GNG4: variants seen among roughly 807,000 people sequenced by gnomAD.
The protein encoded by GNG4 is guanine nucleotide-binding protein G(I)/G(S)/G(O) subunit gamma-4.
A neutral mutation model predicts 5.8 loss-of-function variants in GNG4; 4 were observed. The observed-to-expected ratio is 0.69, with a 90% CI of 0.34 to 1.57. The LOEUF (loss-of-function observed/expected upper bound fraction) is 1.57. GNG4 is among the 40% of genes most tolerant of loss of function. The pLI is 0.06. For missense variants in GNG4, 96 were observed against 95.1 expected, an observed-to-expected ratio of 1.01 and a Z score of -0.04; for synonymous variants, 29 against 32.9, an observed-to-expected ratio of 0.88 and a Z score of 0.41.
chr1:235,590,674 G>T (rs1687937841), intron 2 of GNG4, among the ~76,000 whole-genome samples: 3 of 152,138 alleles, frequency 2.0e-5, no homozygotes, highest in Admixed American at 2.0e-4. Context: ...GATTTCATGT[G>T]TGCGTGTTTG....
chr1:235,607,849 A>T (rs886430182), intron 1 of GNG4, among the ~76,000 whole-genome samples: 1 of 151,652 alleles, frequency 6.6e-6, no homozygotes, highest in Non-Finnish European at 1.5e-5. Flanking sequence ...CCCTCACTTT[A>T]GTCCATTCTG....
In GNG4 at chr1:235,590,455, A is replaced by T. The variant is rs192569895; in HGVS notation, c.-11+4945T>A. ...GGGTGACAGAGTGAGACTGTCTGGA[A>T]AAAAAAAGAAGGTGGAGAGGTAACC... is the stretch of plus-strand genomic sequence containing the variant. On this transcript the variant is annotated intron_variant, in intron 2 of 3. Transcript: ENST00000391854. Among the ~76,000 whole-genome samples the T allele has an allele frequency of 7.2e-3, 1,098 of 151,884 alleles. 9 individuals carry two copies. The highest frequency in any genetic ancestry group is 0.02 in the South Asian group (96 of 4,792).
rs1179533212 is a variant in GNG4, at chr1:235,552,157, T to C, written c.180A>G (p.Ala60=). ...TCTTCTCGCGAAAGGGGTTTTCTGA[T>C]GCAGGCACTGGAATGATGAGAGGAT... The part of the protein sequence containing the change: ...REDPLIIPVP[A]SENPFREKKF... The change falls in exon 4 of 4, where the codon GCA becomes GCG. Residue 60 remains alanine (A), a synonymous_variant. Coordinates refer to ENST00000391854, the MANE Select transcript of GNG4 (RefSeq NM_001098722.2). The C allele has an allele frequency of 9.3e-6, 15 of 1,613,998 alleles. No homozygotes were observed. In the East Asian group the frequency reaches 1.3e-4, roughly 14 times the overall value.
chr1:235,574,806 T>A (rs1032526080), intron 3 of GNG4, among the ~76,000 whole-genome samples: 1 of 152,166 alleles, frequency 6.6e-6, no homozygotes, highest in Non-Finnish European at 1.5e-5. Flanking sequence ...ACTGCCAGTA[T>A]CTGTCACGAC....
Position 235,605,956 on chromosome 1 carries a change from G to GT in GNG4, c.-122-10446_-122-10445insA, listed in dbSNP as rs1456169523. Among the ~76,000 whole-genome samples the GT allele has an allele frequency of 2.9e-3, 234 of 80,796 alleles. 2 individuals are homozygous for GT. Among genetic ancestry groups the GT allele is most frequent in the African/African-American group, 9.6e-3 (213 of 22,212 alleles). The allele number at this position is 80,796 out of a possible 152,430, so 53.0% of individuals were successfully genotyped here. ...ATTTTATTTTTTTGATTGAGAGTGTGGGGGGGTGGGTCTCACTGTGTTGCC... is the reference window on the plus strand; with the variant it reads ...ATTTTATTTTTTTGATTGAGAGTGTGTGGGGGGTGGGTCTCACTGTGTTGCC... On this transcript the variant is annotated intron_variant, in intron 1 of 3. Coordinates refer to ENST00000391854, the MANE Select transcript of GNG4 (RefSeq NM_001098722.2).
chr1:235,587,370 AGTGT>A (rs71677446), intron 2 of GNG4, among the ~76,000 whole-genome samples: 8,734 of 31,912 alleles, frequency 0.27, 1,359 homozygotes, highest in East Asian at 0.69. Context: ...GGTGTGTGTG[AGTGT>A]GTGTGTGAGC....
chr1:235,587,877 TG>T (rs921742580), intron 2 of GNG4, among the ~76,000 whole-genome samples: 25 of 147,706 alleles, frequency 1.7e-4, no homozygotes, highest in African/African-American at 5.5e-4. Flanking sequence ...TGAGAGGGTG[TG>T]GGGGGTGTGT....
In GNG4 at chr1:235,642,619, G is replaced by C. The variant is rs2102989759; in HGVS notation, c.-123+7043C>G. The stretch of plus-strand genomic sequence containing the variant: ...GGCAGGAGGGGCAGGGGGCCAGGGA[G>C]AGGGCAGGGTTGGGAGGGTCTCTTT... On this transcript the variant is annotated intron_variant, in intron 1 of 3. Transcript: ENST00000391854. The surrounding 1 kb of genome is among the most constrained non-coding windows in gnomAD (Gnocchi z 4.3). Among the ~76,000 whole-genome samples, 1 of 152,232 alleles carries C rather than the reference G, an allele frequency of 6.6e-6. No individual in the cohort carries two copies. Among genetic ancestry groups the C allele is most frequent in the South Asian group, 2.1e-4 (1 of 4,816 alleles).
intron 1 of GNG4, among the ~76,000 whole-genome samples, chr1:235,632,619 G>T (rs995252485): frequency 1.3e-5 from 2 of 152,122 alleles, no homozygotes; most frequent in Non-Finnish European, 2.9e-5. Flanking sequence ...TTTGAACAAG[G>T]TTTTTTCTCT....
intron 1 of GNG4, among the ~76,000 whole-genome samples, chr1:235,626,187 T>C (rs1688806857): frequency 6.6e-6 from 1 of 152,240 alleles, no homozygotes; most frequent in Non-Finnish European, 1.5e-5. Context: ...ACATATGATG[T>C]TGAGCTTCTC....
chr1:235,633,967 A>G (rs538088655), intron 1 of GNG4, among the ~76,000 whole-genome samples: 4 of 152,350 alleles, frequency 2.6e-5, no homozygotes, highest in Admixed American at 6.5e-5. Context: ...TGTGAGAAGC[A>G]GAAAAATAAA....
intron 2 of GNG4, among the ~76,000 whole-genome samples, chr1:235,592,761 G>A (rs1283239088): frequency 1.3e-5 from 2 of 152,040 alleles, no homozygotes; most frequent in African/African-American, 2.4e-5. Context: ...CTTCTTTCCT[G>A]AAATGTACCT....
chr1:235,636,197 C>A (rs1425962162), intron 1 of GNG4, among the ~76,000 whole-genome samples: 1 of 152,212 alleles, frequency 6.6e-6, no homozygotes, highest in African/African-American at 2.4e-5. Context: ...CTCCTCTGAC[C>A]AGCCAGAGTT....
chr1:235,645,562 C>T (rs1657479629), intron 1 of GNG4, among the ~76,000 whole-genome samples: 1 of 152,156 alleles, frequency 6.6e-6, no homozygotes, highest in African/African-American at 2.4e-5. Context: ...CTCTGGGAGG[C>T]CGAGTCAGGT....
chr1:235,556,556 CA>C (rs35257216), intron 3 of GNG4, among the ~76,000 whole-genome samples: 64 of 87,396 alleles, frequency 7.3e-4, no homozygotes, highest in Admixed American at 8.1e-4. Flanking sequence ...GACTCTGTCT[CA>C]AAAAAAAAAA....
rs888363550 is a variant in GNG4, at chr1:235,648,350, G to C, written c.-123+1312C>G. Among the ~76,000 whole-genome samples the C allele has an allele frequency of 6.6e-6, 1 of 152,156 alleles. No homozygotes were observed. Among genetic ancestry groups the C allele is most frequent in the African/African-American group, 2.4e-5 (1 of 41,420 alleles). On this transcript the variant is annotated intron_variant, in intron 1 of 3. Transcript: ENST00000391854. The surrounding 1 kb of genome is among the most constrained non-coding windows in gnomAD (Gnocchi z 5.0). Reference sequence around the variant, plus strand: ...CCACAGCCATCTCTTATCATGACCGGTCACTGAGCAAACCCTACATTTCAA... The same window carrying C: ...CCACAGCCATCTCTTATCATGACCGCTCACTGAGCAAACCCTACATTTCAA...
intron 1 of GNG4, among the ~76,000 whole-genome samples, chr1:235,596,223 C>T (rs1319560947): frequency 8.1e-5 from 12 of 148,992 alleles, no homozygotes; most frequent in Admixed American, 4.7e-4. Flanking sequence ...CACACACACA[C>T]ACACACACAC....
intron 2 of GNG4, among the ~76,000 whole-genome samples, chr1:235,592,468 C>A (rs1289680408): frequency 2.6e-5 from 4 of 152,250 alleles, no homozygotes; most frequent in Admixed American, 2.6e-4. Flanking sequence ...AAGATCACAC[C>A]ACTGCACTCC....
chr1:235,586,204 G>A (rs1298074491), intron 2 of GNG4, among the ~76,000 whole-genome samples: 1 of 152,228 alleles, frequency 6.6e-6, no homozygotes, highest in Non-Finnish European at 1.5e-5. Flanking sequence ...ACAAGGGAAG[G>A]AGAATCACGA....
Sources: allele counts gnomAD v4.1 joint callset (sites outside exome capture counted in the v4.1 genomes callset), GRCh38; gene constraint gnomAD v4.1.1; non-coding constraint Gnocchi (gnomAD v3.1); transcripts MANE v1.5; gene names NCBI Gene and HGNC (gene_info 2026-07-23, HGNC 2026-07-21).